The following TSPAN14 variants were observed in gnomAD, a reference collection of about 807,000 sequenced individuals.
TSPAN14 encodes tetraspanin-14.
Under a neutral mutation model 36.6 loss-of-function variants are expected in TSPAN14, and 16 were observed. That is an observed-to-expected ratio of 0.44 (90% CI 0.30 to 0.66). The LOEUF (loss-of-function observed/expected upper bound fraction) is 0.66, where lower values mean the gene tolerates loss of function less well. Among genes scored for constraint, TSPAN14 ranks in the 30% least tolerant of loss-of-function variants. The pLI is 0.12. For synonymous variants in TSPAN14, 139 were observed against 143.8 expected (o/e 0.97, Z 0.24); for missense variants, 231 against 355.1 (o/e 0.65, Z 2.81).
chr10:80,489,485 G>T (rs1847807281), intron 2 of TSPAN14, among the ~76,000 whole-genome samples, 171 bp downstream of exon 2: 1 of 152,254 alleles, frequency 6.6e-6, no homozygotes. Flanking sequence ...GGGGATGGGG[G>T]AAGGCCAAAG....
chr10:80,485,556 A>C, intron 1 of TSPAN14: 1 of 840,942 alleles, frequency 1.2e-6, no homozygotes, highest in Non-Finnish European at 1.4e-6. Context: ...GTGTAGGAGG[A>C]TGTGGCTTAG....
At position 80,516,438 on chromosome 10, in the gene TSPAN14, G is replaced by A; in HGVS notation, c.741+115G>A. 51 of 1,435,102 alleles carry A rather than the reference G, an allele frequency of 3.6e-5. No homozygotes were observed. In the Admixed American group the frequency reaches 4.5e-4, roughly 13 times the overall value. The allele number at this position is 1,435,102 out of a possible 1,614,324, so 88.9% of individuals were successfully genotyped here. ...TATGGTATTAAGGAAGCTTGCAGAA[G>A]AAAAAAAGGGATTCAACTGGATGTC... is the stretch of plus-strand genomic sequence containing the variant. On this transcript the variant is annotated intron_variant, in intron 8 of 8. Coordinates refer to ENST00000429989, the Ensembl canonical transcript of TSPAN14.
chr10:80,499,917 AAG>A (rs1284279917), intron 2 of TSPAN14, among the ~76,000 whole-genome samples: 2 of 48,060 alleles, frequency 4.2e-5, no homozygotes, highest in Non-Finnish European at 1.0e-4. Context: ...GAGGGAGACA[AAG>A]AAGGTCACTT....
At chr10:80,490,633 C>T (rs1220136760) in intron 2 of TSPAN14, among the ~76,000 whole-genome samples, 4 of 151,936 alleles carry the variant, frequency 2.6e-5, no homozygotes, top group South Asian at 4.2e-4. Context: ...GGGATCTGGG[C>T]GGGTGGATAG....
At chr10:80,473,115 C>T (rs1414085660) in intron 1 of TSPAN14, among the ~76,000 whole-genome samples, 1 of 152,168 alleles carries the variant, frequency 6.6e-6, no homozygotes, top group African/African-American at 2.4e-5. Context: ...ACAAAGCCTC[C>T]TGTAGCTTAA....
At chr10:80,515,847 A>T (rs1002568121) in intron 7 of TSPAN14, 3 of 202,076 alleles carry the variant, frequency 1.5e-5, no homozygotes, top group Non-Finnish European at 3.0e-5. Flanking sequence ...CCCCTTCTCC[A>T]GGTTTCTCTC....
At chr10:80,470,498 C>T in intron 1 of TSPAN14, among the ~76,000 whole-genome samples, 1 of 152,216 alleles carries the variant, frequency 6.6e-6, no homozygotes, top group East Asian at 1.9e-4. Flanking sequence ...GATTTTTAAG[C>T]ATCTTACAGC....
intron 1 of TSPAN14, among the ~76,000 whole-genome samples, chr10:80,462,087 G>T (rs753118095): frequency 1.3e-5 from 2 of 151,480 alleles, no homozygotes; most frequent in African/African-American, 2.4e-5. Context: ...CTAATTTAAA[G>T]AATTTTTTGT....
chr10:80,516,150 G>A lies in TSPAN14; in HGVS notation c.622-54G>A, dbSNP rs548417756. On this transcript the variant is annotated intron_variant, in intron 7 of 8. Coordinates refer to ENST00000429989, the Ensembl canonical transcript of TSPAN14. ...CTTACCAGAGCTCACTAGGGGATCA[G>A]GTGGGGACATCGTGTGTGCCAAAGG... The A allele has an allele frequency of 1.7e-5, 28 of 1,612,942 alleles. No homozygotes were observed. The Admixed American group carries it at 3.5e-4, about 20-fold the overall frequency.
intron 1 of TSPAN14, among the ~76,000 whole-genome samples, chr10:80,456,173 C>A (rs538639131): frequency 6.6e-6 from 1 of 152,318 alleles, no homozygotes; most frequent in South Asian, 2.1e-4. Flanking sequence ...AGAACCCAGG[C>A]TGGACATGGC....
intron 1 of TSPAN14, among the ~76,000 whole-genome samples, chr10:80,471,692 G>A (rs755344293): frequency 2.6e-5 from 4 of 152,144 alleles, no homozygotes; most frequent in Admixed American, 6.5e-5. Context: ...AGTAGGTTGG[G>A]ACATCAACTT....
chr10:80,516,551 C>T (rs751640647), intron 8 of TSPAN14, among the ~76,000 whole-genome samples: 6 of 151,598 alleles, frequency 4.0e-5, no homozygotes, highest in South Asian at 2.1e-4. Flanking sequence ...GCCCTCTGGG[C>T]GGGGGCAGGC....
chr10:80,477,757 G>A (rs1488330475), intron 1 of TSPAN14, among the ~76,000 whole-genome samples: 2 of 152,110 alleles, frequency 1.3e-5, no homozygotes, highest in African/African-American at 4.8e-5. Flanking sequence ...AAAACCAAGG[G>A]CCCAGGAGCC....
chr10:80,508,237 T>A (rs1840409570), intron 4 of TSPAN14, among the ~76,000 whole-genome samples: 1 of 151,640 alleles, frequency 6.6e-6, no homozygotes, highest in African/African-American at 2.4e-5. Flanking sequence ...TGCCTCAGCC[T>A]CCCGAGTAGC....
chr10:80,514,075 C>T lies in TSPAN14; in HGVS notation c.621+12C>T, dbSNP rs778357301. The T allele has an allele frequency of 6.2e-7, 1 of 1,609,722 alleles. No individual in the cohort carries two copies. Among genetic ancestry groups the T allele is most frequent in the Non-Finnish European group, 8.5e-7 (1 of 1,176,226 alleles). On this transcript the variant is annotated intron_variant, in intron 7 of 8. Transcript: ENST00000429989. The stretch of plus-strand genomic sequence containing the variant: ...ATGTCAGGATTCAGGTGAGAACTCC[C>T]ATGTATACAACTTGAAGAGTTCTTT...
At chr10:80,522,611 C>G (rs1263528252) in exon 9 of TSPAN14, 1 of 152,152 alleles carries the variant, frequency 6.6e-6, no homozygotes, top group East Asian at 1.9e-4. Context: ...AAATAAAAAT[C>G]TAAACATAAG....
intron 1 of TSPAN14, among the ~76,000 whole-genome samples, chr10:80,472,796 A>T (rs527705725): frequency 6.6e-6 from 1 of 152,012 alleles, no homozygotes; most frequent in Admixed American, 6.6e-5. Flanking sequence ...CGTTGTTATT[A>T]TTGTTTATTT....
chr10:80,457,671 C>G (rs1467030561), intron 1 of TSPAN14, among the ~76,000 whole-genome samples: 4 of 152,294 alleles, frequency 2.6e-5, no homozygotes, highest in Admixed American at 2.6e-4. Context: ...AGCAGGTACC[C>G]CGGAACCCCC....
At chr10:80,508,320 G>A (rs994386589) in intron 4 of TSPAN14, among the ~76,000 whole-genome samples, 3 of 151,952 alleles carry the variant, frequency 2.0e-5, no homozygotes, top group Non-Finnish European at 4.4e-5. Flanking sequence ...GGGTTTCACC[G>A]TGTTAGCCAG....
Sources: allele counts gnomAD v4.1 joint callset (sites outside exome capture counted in the v4.1 genomes callset), GRCh38; gene constraint gnomAD v4.1.1; transcripts MANE v1.5; gene names NCBI Gene and HGNC (gene_info 2026-07-23, HGNC 2026-07-21).